The following ZNF799 variants were observed in gnomAD, a reference collection of about 807,000 sequenced individuals.
ZNF799 encodes zinc finger protein 799, also known as zinc finger protein 14.
Under a neutral mutation model 41.0 loss-of-function variants are expected in ZNF799, and 28 were observed. The observed-to-expected ratio is 0.68, with a 90% CI of 0.51 to 0.94. ZNF799 has a LOEUF of 0.94. Ranked by LOEUF, ZNF799 falls within the 40% of genes least tolerant of loss-of-function variation. The probability of loss-of-function intolerance (pLI) is 0.00; values close to 1 mark genes in which losing one functional copy is unlikely to be tolerated. For missense variants in ZNF799, 716 were observed against 764.3 expected (o/e 0.94, Z 0.74); for synonymous variants, 213 against 252.9 (o/e 0.84, Z 1.50).
chr19:12,411,083 C>T, the ZNF799 span, among the ~76,000 whole-genome samples: 1 of 152,136 alleles, frequency 6.6e-6, no homozygotes, highest in Non-Finnish European at 1.5e-5. Context: ...ATTGCCCTTG[C>T]ACTGCAACTA....
At chr19:12,410,744 T>C in the ZNF799 span, among the ~76,000 whole-genome samples, 1 of 152,152 alleles carries the variant, frequency 6.6e-6, no homozygotes, top group South Asian at 2.1e-4. Context: ...AAGGGGGCCA[T>C]CACTACTATT....
At chr19:12,414,160 T>G in the ZNF799 span, among the ~76,000 whole-genome samples, 2 of 151,936 alleles carry the variant, frequency 1.3e-5, no homozygotes, top group East Asian at 3.9e-4. Flanking sequence ...TATTCACAGT[T>G]CTCACGACCC....
In ZNF799 at chr19:12,393,326, TG is replaced by T. The variant is rs774629516; in HGVS notation, c.100del (p.Gln34ArgfsTer10). 3 of 995,886 alleles carry T rather than the reference TG, an allele frequency of 3.0e-6. 1 individual carries two copies. In the South Asian group the frequency reaches 4.0e-5, roughly 13 times the overall value. 61.7% of individuals were successfully genotyped at this position (995,886 alleles called of 1,614,324 possible). A position where few individuals can be genotyped will look rare whatever the true frequency, so the allele number is the denominator to read the frequency against. ...CQKNLYKDVM[Q>X]ETIRNLDCVG... ...ACAATCCAGGTTCCTGATGGTTTCC[TG>T]CATCACATCTTTGTAGAGATTCTTC... On this transcript the variant is annotated frameshift_variant, in exon 2 of 4. Transcript: ENST00000430385. LOFTEE classifies it high-confidence loss of function.
At chr19:12,399,543 C>T (rs1407636194) in intron 1 of ZNF799, among the ~76,000 whole-genome samples, 9 of 150,226 alleles carry the variant, frequency 6.0e-5, no homozygotes, top group Non-Finnish European at 7.4e-5. Flanking sequence ...AGTTGCTCCC[C>T]AGGGGGCCAC....
At chr19:12,393,591 A>G (rs1419019748) in intron 1 of ZNF799, 168 bp from the exon 2 acceptor site, 35 of 1,445,408 alleles carry the variant, frequency 2.4e-5, no homozygotes, top group Non-Finnish European at 2.4e-5. Context: ...CTACACAGTA[A>G]CTCTGAAGCT....
At chr19:12,396,800 T>G (rs551663403) in intron 1 of ZNF799, among the ~76,000 whole-genome samples, 1 of 150,928 alleles carries the variant, frequency 6.6e-6, no homozygotes, top group East Asian at 1.9e-4. Flanking sequence ...GAAATTAATC[T>G]AATGGGGAAA....
At chr19:12,397,844 G>A (rs558902970) in intron 1 of ZNF799, among the ~76,000 whole-genome samples, 12 of 152,242 alleles carry the variant, frequency 7.9e-5, no homozygotes, top group African/African-American at 2.6e-4. Context: ...ATCCACCAAT[G>A]TGTGCAAGAA....
At chr19:12,396,491 C>G (rs56084969) in intron 1 of ZNF799, among the ~76,000 whole-genome samples, 4 of 142,642 alleles carry the variant, frequency 2.8e-5, no homozygotes, top group Non-Finnish European at 6.2e-5. Context: ...CTCTACTAAA[C>G]ATACAAAATT....
rs149326477 is a variant in ZNF799 at position 12,395,979 on chromosome 19, A to C, written c.4-2556T>G. Among the ~76,000 whole-genome samples, 85 of 152,382 alleles carry C rather than the reference A, an allele frequency of 5.6e-4. 1 individual carries two copies. In the East Asian group the frequency reaches 0.015, roughly 28 times the overall value. On this transcript the variant is annotated intron_variant, in intron 1 of 3. Coordinates refer to ENST00000430385, the MANE Select transcript of ZNF799 (RefSeq NM_001080821.3). ...GAGATGTCAGTTTCTACAACAAATA[A>C]GGAATACAGTCTGTGCAAACATACT...
At chr19:12,411,015 T>C in the ZNF799 span, among the ~76,000 whole-genome samples, 2 of 152,210 alleles carry the variant, frequency 1.3e-5, no homozygotes, top group Non-Finnish European at 1.5e-5. Flanking sequence ...ATGACACCAA[T>C]TTTCTACAAT....
rs778750060 is a variant in ZNF799, at chr19:12,390,929, TA to T, written c.1468del (p.Tyr490ThrfsTer30). 3 of 1,613,182 alleles carry T rather than the reference TA, an allele frequency of 1.9e-6. No individual in the cohort carries two copies. The East Asian group carries it at 6.7e-5, about 36-fold the overall frequency. Reference protein sequence around the residue: ...ECGKAFSCFQYLSQHRRTHTG... With the variant: ...ECGKAFSCFQXLSQHRRTHTG... Reference sequence around the variant, plus strand: ...GTGAGTCCTTCTATGTTGAGAAAGGTATTGGAAACAACTGAATGCTTTCCCA... The same window carrying T: ...GTGAGTCCTTCTATGTTGAGAAAGGTTTGGAAACAACTGAATGCTTTCCCA... On this transcript the variant is annotated frameshift_variant, in exon 4 of 4. Transcript: ENST00000430385. LOFTEE classifies it high-confidence loss of function.
upstream of ZNF799, among the ~76,000 whole-genome samples, chr19:12,402,210 C>T (rs573415579): frequency 6.6e-6 from 1 of 152,362 alleles, no homozygotes; most frequent in South Asian, 2.1e-4. Flanking sequence ...TCTCAAGTAG[C>T]TTCAGATTGT....
the ZNF799 span, among the ~76,000 whole-genome samples, chr19:12,407,483 G>GAAAAAAAA: frequency 7.4e-6 from 1 of 135,632 alleles, no homozygotes; most frequent in African/African-American, 2.7e-5. Context: ...GAGAGAGAGA[G>GAAAAAAAA]AGAAAAAAAA....
chr19:12,412,819 C>G, the ZNF799 span, among the ~76,000 whole-genome samples: 6 of 151,858 alleles, frequency 4.0e-5, no homozygotes, highest in African/African-American at 1.5e-4. Flanking sequence ...GCAGGCAGAT[C>G]ACCTGAGGCC....
intron 1 of ZNF799, among the ~76,000 whole-genome samples, chr19:12,396,044 A>G (rs1969890042): frequency 6.6e-6 from 1 of 152,252 alleles, no homozygotes; most frequent in Non-Finnish European, 1.5e-5. Flanking sequence ...TACAGTCTTC[A>G]ACACACATAA....
chr19:12,390,950 T>C lies in ZNF799; in HGVS notation c.1448A>G (p.Lys483Arg), dbSNP rs1270003633. 1 of 1,614,020 alleles carries C rather than the reference T, an allele frequency of 6.2e-7. No homozygotes were observed. Among genetic ancestry groups the C allele is most frequent in the Non-Finnish European group, 8.5e-7 (1 of 1,180,000 alleles). The change falls in exon 4 of 4, where the codon AAA becomes AGA. Residue 483 changes from lysine to arginine, a missense_variant. By Grantham distance (26) the Lys-to-Arg change is conservative. Coordinates refer to ENST00000430385, the MANE Select transcript of ZNF799 (RefSeq NM_001080821.3). Reference sequence around the variant, plus strand: ...AAGGTATTGGAAACAACTGAATGCTTTCCCACATTCCTTACACTCATATGG... The same window carrying C: ...AAGGTATTGGAAACAACTGAATGCTCTCCCACATTCCTTACACTCATATGG... ...EKPYECKECGKAFSCFQYLSQ... is the reference protein window; with the variant it reads ...EKPYECKECGRAFSCFQYLSQ...
chr19:12,412,211 C>T, the ZNF799 span, among the ~76,000 whole-genome samples: 8 of 152,158 alleles, frequency 5.3e-5, no homozygotes, highest in Admixed American at 6.5e-5. Flanking sequence ...CCAATTAGAA[C>T]TCCCCAAGAG....
chr19:12,411,524 C>T, the ZNF799 span, among the ~76,000 whole-genome samples: 1 of 152,140 alleles, frequency 6.6e-6, no homozygotes, highest in Non-Finnish European at 1.5e-5. Flanking sequence ...TCATCATCTT[C>T]ACATACAATA....
At chr19:12,404,542 G>A (rs1362143665), upstream of ZNF799, among the ~76,000 whole-genome samples, 1 of 152,024 alleles carries the variant, frequency 6.6e-6, no homozygotes, top group Non-Finnish European at 1.5e-5. Flanking sequence ...GGTTCAAGCA[G>A]TTCTCCTGCC....
Sources: allele counts gnomAD v4.1 joint callset (sites outside exome capture counted in the v4.1 genomes callset), GRCh38; gene constraint gnomAD v4.1.1; transcripts MANE v1.5; gene names NCBI Gene and HGNC (gene_info 2026-07-23, HGNC 2026-07-21).